The following GRHL2 variants were observed in gnomAD, a reference collection of about 807,000 sequenced individuals.
GRHL2 encodes the protein grainyhead like transcription factor 2.
Under a neutral mutation model 83.8 loss-of-function variants are expected in GRHL2, and 21 were observed. The ratio of observed to expected loss-of-function variants is 0.25; its 90% CI spans 0.18 to 0.36. GRHL2 has a LOEUF of 0.36. GRHL2 is among the 10% of genes least tolerant of loss of function. The pLI is 1.00. For synonymous variants in GRHL2, 280 were observed against 278.9 expected (o/e 1.00, Z -0.04); for missense variants, 623 against 781.8 (o/e 0.80, Z 2.42).
intron 4 of GRHL2, among the ~76,000 whole-genome samples, chr8:101,563,846 C>G (rs1432427507): frequency 1.3e-5 from 2 of 151,880 alleles, no homozygotes; most frequent in Non-Finnish European, 2.9e-5. Flanking sequence ...CTGAAATTAT[C>G]ACTCCATGAT....
intron 9 of GRHL2, among the ~76,000 whole-genome samples, chr8:101,631,271 T>C (rs200452312): frequency 6.6e-6 from 1 of 152,238 alleles, no homozygotes; most frequent in East Asian, 1.9e-4. Flanking sequence ...AATGGGTCAA[T>C]GATTCATCTT....
chr8:101,631,740 A>C lies in GRHL2; in HGVS notation c.1345+16A>C, dbSNP rs765638921. The C allele has an allele frequency of 2.5e-6, 4 of 1,603,678 alleles. No homozygotes were observed. In the Admixed American group the frequency reaches 6.7e-5, roughly 27 times the overall value. ...TGCAACAGCTGTGAGTTTCACTGAG[A>C]CTAATGTTGCTTTCTAAAGACTCCA... is the stretch of plus-strand genomic sequence containing the variant. On this transcript the variant is annotated intron_variant, in intron 10 of 15. Transcript: ENST00000646743.
At chr8:101,591,812 G>A (rs1465195322) in intron 7 of GRHL2, among the ~76,000 whole-genome samples, 1 of 152,170 alleles carries the variant, frequency 6.6e-6, no homozygotes, top group African/African-American at 2.4e-5. Flanking sequence ...TCTGTTTGTG[G>A]CAGTTATTAT....
At chr8:101,526,755 G>A (rs912212911) in intron 1 of GRHL2, among the ~76,000 whole-genome samples, 2 of 152,014 alleles carry the variant, frequency 1.3e-5, no homozygotes, top group Admixed American at 6.6e-5. Context: ...AGCACTGCAC[G>A]AGTGCTTTTC....
chr8:101,551,908 T>G (rs1052255486), intron 2 of GRHL2, among the ~76,000 whole-genome samples: 1 of 151,038 alleles, frequency 6.6e-6, no homozygotes, highest in Admixed American at 6.6e-5. Flanking sequence ...CGATCTCGGC[T>G]CACTGCAAGC....
chr8:101,510,392 T>C (rs900354136), intron 1 of GRHL2, among the ~76,000 whole-genome samples: 2 of 152,210 alleles, frequency 1.3e-5, no homozygotes, highest in Admixed American at 6.5e-5. Flanking sequence ...GAGCATTATA[T>C]ACAGTGGATT....
At chr8:101,631,769 G>A in intron 10 of GRHL2, 45 bp downstream of exon 10, 1 of 1,503,270 alleles carries the variant, frequency 6.7e-7, no homozygotes. Flanking sequence ...GACTCCAGGT[G>A]GGCTGTGTCC....
chr8:101,492,903 TTC>T lies in GRHL2; in HGVS notation c.20+116_20+117del, dbSNP rs1455842975. On this transcript the variant is annotated intron_variant, in intron 1 of 15. Transcript: ENST00000646743. ...TATTGTTGGTATTTTTCTTTCTTTTTTCTTTTTCTTTTTGGTGGATCCAGACT... is the reference window on the plus strand; with the variant it reads ...TATTGTTGGTATTTTTCTTTCTTTTTTTTTTCTTTTTGGTGGATCCAGACT... 3.0e-6 allele frequency: 3 copies of T among 988,048 alleles called. No individual in the cohort carries two copies. In the African/African-American group the frequency reaches 4.8e-5, roughly 16 times the overall value. The allele number at this position is 988,048 out of a possible 1,614,324, so 61.2% of individuals were successfully genotyped here.
rs531681340 is a variant in GRHL2 at position 101,622,859 on chromosome 8, C to T, written c.1257+3162C>T. ...CCCCTCCCACTTTTCCCCAGAAGTC[C>T]CCAAAGTCCATTGTATCATTCTTAT... is the stretch of plus-strand genomic sequence containing the variant. On this transcript the variant is annotated intron_variant, in intron 9 of 15. Transcript: ENST00000646743. Among the ~76,000 whole-genome samples the T allele has an allele frequency of 3.0e-4, 46 of 152,140 alleles. 1 individual carries two copies. Among genetic ancestry groups the T allele is most frequent in the Non-Finnish European group, 5.6e-4 (38 of 68,020 alleles).
At chr8:101,597,458 A>G (rs1812413939) in intron 7 of GRHL2, among the ~76,000 whole-genome samples, 1 of 152,330 alleles carries the variant, frequency 6.6e-6, no homozygotes, top group South Asian at 2.1e-4. Context: ...AGATTGGATT[A>G]AGAAAATGTG....
chr8:101,660,591 TTTTG>T (rs1347855561), intron 14 of GRHL2, among the ~76,000 whole-genome samples: 14 of 152,244 alleles, frequency 9.2e-5, no homozygotes, highest in Middle Eastern at 3.4e-3. Context: ...TCTTCCATCT[TTTTG>T]TTTATTATTT....
chr8:101,649,554 T>C (rs1813580334), intron 14 of GRHL2, 55 bp downstream of exon 14: 2 of 1,325,608 alleles, frequency 1.5e-6, no homozygotes. Context: ...CTCTCTCCTC[T>C]GGAATCCATG....
At chr8:101,567,500 T>A (rs1427324849) in intron 4 of GRHL2, among the ~76,000 whole-genome samples, 1 of 152,250 alleles carries the variant, frequency 6.6e-6, no homozygotes, top group African/African-American at 2.4e-5. Flanking sequence ...AGGATGGTGA[T>A]GTTTTCTAGG....
At chr8:101,546,651 AGTGATCCACCGG>A in intron 2 of GRHL2, among the ~76,000 whole-genome samples, 1 of 152,054 alleles carries the variant, frequency 6.6e-6, no homozygotes. Flanking sequence ...CCTGGCTTCG[AGTGATCCACCGG>A]CCTTGACCTT....
intron 4 of GRHL2, among the ~76,000 whole-genome samples, chr8:101,564,999 ATCTG>A (rs947760149): frequency 7.9e-5 from 12 of 152,262 alleles, no homozygotes; most frequent in African/African-American, 2.6e-4. Flanking sequence ...GAAGCTTACA[ATCTG>A]TCTGTATGTG....
intron 1 of GRHL2, among the ~76,000 whole-genome samples, chr8:101,541,289 G>A (rs1811150061): frequency 6.6e-6 from 1 of 151,864 alleles, no homozygotes; most frequent in Admixed American, 6.6e-5. Flanking sequence ...ACATACAAGT[G>A]GAGGTGTCTT....
rs1475076665 is a variant in GRHL2, at chr8:101,509,813, T to C, written c.20+17024T>C. Among the ~76,000 whole-genome samples, 4 of 152,126 alleles carry C rather than the reference T, an allele frequency of 2.6e-5. No homozygotes were observed. The East Asian group carries it at 7.7e-4, about 29-fold the overall frequency. ...CTAGGATTTCATGTGATCCAAGCTA[T>C]ATCTTCTCCTACTTTTTTTTACAAA... On this transcript the variant is annotated intron_variant, in intron 1 of 15. Coordinates refer to ENST00000646743, the MANE Select transcript of GRHL2 (RefSeq NM_024915.4).
chr8:101,653,583 C>G (rs1813717624), intron 14 of GRHL2, among the ~76,000 whole-genome samples: 1 of 152,106 alleles, frequency 6.6e-6, no homozygotes, highest in Non-Finnish European at 1.5e-5. Context: ...AACCCTGTCT[C>G]TACCAGAAAA....
At chr8:101,516,319 A>T (rs1586411137) in intron 1 of GRHL2, among the ~76,000 whole-genome samples, 1 of 152,182 alleles carries the variant, frequency 6.6e-6, no homozygotes, top group Non-Finnish European at 1.5e-5. Context: ...AATCATACTT[A>T]AAACAATCTG....
Sources: allele counts gnomAD v4.1 joint callset (sites outside exome capture counted in the v4.1 genomes callset), GRCh38; gene constraint gnomAD v4.1.1; transcripts MANE v1.5; gene names NCBI Gene and HGNC (gene_info 2026-07-23, HGNC 2026-07-21).